The following SUOX variants were observed in gnomAD, a reference collection of about 807,000 sequenced individuals.
SUOX encodes the protein sulfite oxidase.
A neutral mutation model predicts 41.9 loss-of-function variants in SUOX; 39 were observed. The ratio of observed to expected loss-of-function variants is 0.93; its 90% CI spans 0.72 to 1.21. The LOEUF (loss-of-function observed/expected upper bound fraction) is 1.21. SUOX is among the 50% of genes most tolerant of loss of function. SUOX has a pLI of 0.00. For synonymous variants in SUOX, 220 were observed against 268.4 expected (o/e 0.82, Z 1.76); for missense variants, 633 against 689.5 (o/e 0.92, Z 0.92).
At chr12:56,001,788 T>G (rs1243723070) in intron 2 of SUOX, 1 of 430,184 alleles carries the variant, frequency 2.3e-6, no homozygotes, top group African/African-American at 2.1e-5. Context: ...TTTTTTTCAC[T>G]TTTTTATCCC....
chr12:55,998,569 G>A (rs982466462), intron 2 of SUOX, among the ~76,000 whole-genome samples: 3 of 151,910 alleles, frequency 2.0e-5, no homozygotes, highest in Admixed American at 6.6e-5. Flanking sequence ...AGGGGAAGCC[G>A]GACAGTGGCT....
intron 3 of SUOX, 114 bp from the exon 4 acceptor site, chr12:56,002,429 C>CT (rs1890566213): frequency 6.5e-7 from 1 of 1,532,940 alleles, no homozygotes; most frequent in South Asian, 1.1e-5. Context: ...CCTGGAGAAA[C>CT]TAAGTTCCAA....
At chr12:56,002,172 AGGGTCTCCCT>A (rs754060842) in intron 2 of SUOX, 30 bp from the exon 3 acceptor site, 1 of 1,611,034 alleles carries the variant, frequency 6.2e-7, no homozygotes, top group Non-Finnish European at 8.5e-7. Context: ...ATCCCCTCCC[AGGGTCTCCCT>A]ATCTTGATCC....
In SUOX at chr12:55,997,695, T is replaced by C. The variant is rs1267183728; in HGVS notation, c.-39T>C. 6.6e-6 allele frequency: 1 copy of C among 152,374 alleles called. No individual in the cohort carries two copies. Among genetic ancestry groups the C allele is most frequent in the East Asian group, 1.9e-4 (1 of 5,200 alleles). 9.4% of individuals were successfully genotyped at this position (152,374 alleles called of 1,614,324 possible). A position where few individuals can be genotyped will look rare whatever the true frequency, so the allele number is the denominator to read the frequency against. The stretch of plus-strand genomic sequence containing the variant: ...GTCAGCCCTACCTGCACTGCTCTGG[T>C]CTAGTACAAACAGGCTGCTGGCATT... On this transcript the variant is annotated 5_prime_UTR_variant, in exon 2 of 5. Transcript: ENST00000266971.
chr12:56,004,073 C>T lies in SUOX; in HGVS notation c.684C>T (p.Asp228=), dbSNP rs975895329. The T allele has an allele frequency of 1.2e-6, 2 of 1,614,052 alleles. No homozygotes were observed. Among genetic ancestry groups the T allele is most frequent in the African/African-American group, 1.3e-5 (1 of 74,914 alleles). Residue 228 remains aspartate, a synonymous_variant, in exon 5 of 5, where the codon GAC becomes GAT. Transcript: ENST00000266971. The surrounding 1 kb of genome is among the most constrained non-coding windows in gnomAD (Gnocchi z 4.5). ...NHLPVPNLDP[D]TYRLHVVGAP... is the part of the protein sequence containing the mutation. ...TGCCTGTACCTAACCTGGATCCAGACACCTATCGCTTACACGTAGTAGGAG... is the reference window on the plus strand; with the variant it reads ...TGCCTGTACCTAACCTGGATCCAGATACCTATCGCTTACACGTAGTAGGAG...
In SUOX at chr12:56,002,195, G is replaced by C. The variant is rs1359422312; in HGVS notation, c.-10-17G>C. 2.5e-6 allele frequency: 4 copies of C among 1,612,766 alleles called. No homozygotes were observed. The highest frequency in any genetic ancestry group is 3.4e-6 in the Non-Finnish European group (4 of 1,179,984). On this transcript the variant is annotated splice_polypyrimidine_tract_variant and intron_variant, in intron 2 of 4. Transcript: ENST00000266971. ...CCAGGGTCTCCCTATCTTGATCCCA[G>C]AATCTTCCTTCTACAGGTCTGCTAC...
intron 2 of SUOX, chr12:56,001,887 C>A: frequency 8.2e-7 from 1 of 1,224,954 alleles, no homozygotes; most frequent in Non-Finnish European, 1.0e-6. Flanking sequence ...GTCCTTTAGG[C>A]CCTTCGCCCC....
rs988948495 is a variant in SUOX, at chr12:56,003,626, G to C, written c.237G>C (p.Gln79His). Residue 79 changes from glutamine (Q) to histidine (H), a missense_variant, in exon 5 of 5, where the codon CAG becomes CAC. Transcript: ENST00000266971. ...TCCTTCCCTGCCAATAGGCTGCTCA[G>C]GAGTCAACACACATATACACTAAGG... is the stretch of plus-strand genomic sequence containing the variant. ...AYQDHRCRAAQESTHIYTKEE... is the reference protein window; with the variant it reads ...AYQDHRCRAAHESTHIYTKEE... 6.2e-7 allele frequency: 1 copy of C among 1,613,986 alleles called. No homozygotes were observed. The highest frequency in any genetic ancestry group is 8.5e-7 in the Non-Finnish European group (1 of 1,179,994).
chr12:56,000,131 C>T (rs961225582), intron 2 of SUOX, among the ~76,000 whole-genome samples: 1 of 152,226 alleles, frequency 6.6e-6, no homozygotes, highest in African/African-American at 2.4e-5. Flanking sequence ...CTGCCAGTCT[C>T]GGTGCCATGC....
At chr12:56,002,343 A>G in intron 3 of SUOX, 72 bp downstream of exon 3, 1 of 1,565,300 alleles carries the variant, frequency 6.4e-7, no homozygotes, top group Non-Finnish European at 8.7e-7. Flanking sequence ...ACAATGTCAT[A>G]CCTTGCAAAT....
chr12:55,998,541 CA>C (rs747762017), intron 2 of SUOX, among the ~76,000 whole-genome samples: 67 of 151,276 alleles, frequency 4.4e-4, no homozygotes, highest in Non-Finnish European at 8.7e-4. Flanking sequence ...AAGACCCTGT[CA>C]GGGGCAGGGG....
chr12:56,005,034 A>T lies in SUOX; in HGVS notation c.*7A>T. On this transcript the variant is annotated 3_prime_UTR_variant, in exon 5 of 5. Coordinates refer to ENST00000266971, the MANE Select transcript of SUOX (RefSeq NM_001032386.2). ...TGTCTATGTCTCCCCATGAGCATGG[A>T]AAGGAGCCACCTCCACCCCTTTCCC... 6.2e-7 allele frequency: 1 copy of T among 1,608,784 alleles called. No individual in the cohort carries two copies. The highest frequency in any genetic ancestry group is 8.5e-7 in the Non-Finnish European group (1 of 1,179,966).
intron 2 of SUOX, among the ~76,000 whole-genome samples, chr12:56,000,519 A>G (rs907400216): frequency 6.6e-6 from 1 of 151,700 alleles, no homozygotes; most frequent in African/African-American, 2.4e-5. Flanking sequence ...TCCCGCTCGC[A>G]CCTCTCCCTC....
intron 2 of SUOX, among the ~76,000 whole-genome samples, chr12:56,000,520 C>T (rs1003125889): frequency 6.6e-6 from 1 of 152,220 alleles, no homozygotes; most frequent in African/African-American, 2.4e-5. Context: ...CCCGCTCGCA[C>T]CTCTCCCTCC....
chr12:56,004,440 G>A lies in SUOX; in HGVS notation c.1051G>A (p.Glu351Lys). 1 of 1,614,184 alleles carries A rather than the reference G, an allele frequency of 6.2e-7. No homozygotes were observed. Among genetic ancestry groups the A allele is most frequent in the Non-Finnish European group, 8.5e-7 (1 of 1,180,014 alleles). The change falls in exon 5 of 5, where the codon GAG (glutamate) becomes AAG (lysine). Residue 351 changes from glutamate (E) to lysine (K), a missense_variant. By Grantham distance (56) the Glu-to-Lys change is moderately conservative. Coordinates refer to ENST00000266971, the MANE Select transcript of SUOX (RefSeq NM_001032386.2). This position sits in a 1 kb window ranked among gnomAD's most constrained non-coding sequence, Gnocchi z 4.5. ...TGAAGCTGAGGTCCTGCTGGCATAT[G>A]AGATGAATGGGCAGCCTCTGCCACG... ...DPEAEVLLAY[E>K]MNGQPLPRDH...
chr12:56,001,418 C>A (rs920841916), intron 2 of SUOX: 1 of 152,164 alleles, frequency 6.6e-6, no homozygotes, highest in Non-Finnish European at 1.5e-5. Context: ...GCCACTGCGC[C>A]GGGCATTGTT....
chr12:56,005,182 C>T lies in SUOX; in HGVS notation c.*155C>T, dbSNP rs530553316. ...AGCACATTTCACCCAAGGACCTTCCCTCTTTGGACACTATGTTACATACCC... is the reference window on the plus strand; with the variant it reads ...AGCACATTTCACCCAAGGACCTTCCTTCTTTGGACACTATGTTACATACCC... On this transcript the variant is annotated 3_prime_UTR_variant, in exon 5 of 5. Coordinates refer to ENST00000266971, the MANE Select transcript of SUOX (RefSeq NM_001032386.2). 1.3e-4 allele frequency: 104 copies of T among 817,482 alleles called. No individual in the cohort carries two copies. In the African/African-American group the frequency reaches 1.6e-3, roughly 13 times the overall value. The allele number at this position is 817,482 out of a possible 1,614,324, so 50.6% of individuals were successfully genotyped here. A position where few individuals can be genotyped will look rare whatever the true frequency, so the allele number is the denominator to read the frequency against.
intron 2 of SUOX, 137 bp from the exon 3 acceptor site, chr12:56,002,075 A>G: frequency 6.8e-7 from 1 of 1,473,064 alleles, no homozygotes; most frequent in Non-Finnish European, 9.2e-7. Context: ...TTGGACTCCC[A>G]CTCTCAAGAC....
At chr12:56,002,474 G>A in intron 3 of SUOX, 69 bp from the exon 4 acceptor site, 1 of 1,602,322 alleles carries the variant, frequency 6.2e-7, no homozygotes, top group Non-Finnish European at 8.5e-7. Flanking sequence ...GGAGAAAGAA[G>A]TAGACCCCAA....
Sources: allele counts gnomAD v4.1 joint callset (sites outside exome capture counted in the v4.1 genomes callset), GRCh38; gene constraint gnomAD v4.1.1; non-coding constraint Gnocchi (gnomAD v3.1); transcripts MANE v1.5; gene names NCBI Gene and HGNC (gene_info 2026-07-23, HGNC 2026-07-21).